CNOT7: variants seen among roughly 807,000 people sequenced by gnomAD.
CNOT7 encodes the protein CCR4-NOT transcription complex subunit 7.
Under a neutral mutation model 37.1 loss-of-function variants are expected in CNOT7, and 4 were observed. The observed-to-expected ratio is 0.11, with a 90% CI of 0.05 to 0.25. The LOEUF (loss-of-function observed/expected upper bound fraction) is 0.25, where lower values mean the gene tolerates loss of function less well. Ranked by LOEUF, CNOT7 falls within the 10% of genes least tolerant of loss-of-function variation. The pLI, the probability that CNOT7 is intolerant of heterozygous loss-of-function variation, is 1.00. For synonymous variants in CNOT7, 128 were observed against 115.6 expected, an observed-to-expected ratio of 1.11 and a Z score of -0.69; for missense variants, 170 against 336.2, an observed-to-expected ratio of 0.51 and a Z score of 3.87.
chr8:17,230,756 C>T lies in CNOT7; in HGVS notation c.822G>A (p.Gly274=). 1.2e-6 allele frequency: 2 copies of T among 1,606,910 alleles called. No homozygotes were observed. The highest frequency in any genetic ancestry group is 1.7e-6 in the Non-Finnish European group (2 of 1,176,548). ...TGTTGGCTTCCTCTTCATATGCATT[C>T]CCTGTGCCATTCTGTACATAGGATG... ...SGSSYVQNGT[G]NAYEEEANKQ... is the part of the protein sequence containing the mutation. Residue 274 remains glycine (G), a synonymous_variant, in exon 7 of 7, where the codon GGG becomes GGA. Coordinates refer to ENST00000361272, the MANE Select transcript of CNOT7 (RefSeq NM_013354.7).
At position 17,229,646 on chromosome 8, in the gene CNOT7, G is replaced by C. The variant is rs1440520619; in HGVS notation, c.*1074C>G. ...TTATCAGCTATATATATATATATGA[G>C]AATATATATATATTTTGTTGTTTTG... On this transcript the variant is annotated 3_prime_UTR_variant, in exon 7 of 7. Coordinates refer to ENST00000361272, the MANE Select transcript of CNOT7 (RefSeq NM_013354.7). 1.3e-5 allele frequency: 2 copies of C among 151,234 alleles called. No individual in the cohort carries two copies. Among genetic ancestry groups the C allele is most frequent in the African/African-American group, 4.9e-5 (2 of 41,122 alleles). The allele number at this position is 151,234 out of a possible 1,614,324, so 9.4% of individuals were successfully genotyped here.
rs1486992817 is a variant in CNOT7, at chr8:17,235,819, T to C, written c.474-959A>G. 2.0e-5 allele frequency among the ~76,000 whole-genome samples: 3 copies of C among 152,348 alleles called. No individual in the cohort carries two copies. The East Asian group carries it at 5.8e-4, about 29-fold the overall frequency. On this transcript the variant is annotated intron_variant, in intron 4 of 6. Coordinates refer to ENST00000361272, the MANE Select transcript of CNOT7 (RefSeq NM_013354.7). ...ATATTTAATGGAATAAAATCTTCTA[T>C]CTTGATAAATATTCAAATATATCAG...
At chr8:17,231,314 A>C (rs1442112104) in intron 6 of CNOT7, among the ~76,000 whole-genome samples, 5 of 152,148 alleles carry the variant, frequency 3.3e-5, no homozygotes, top group Non-Finnish European at 5.9e-5. Flanking sequence ...GTCCTTGAAG[A>C]AGCCAAGAAA....
intron 3 of CNOT7, chr8:17,241,868 T>G (rs1464739674): frequency 3.9e-5 from 6 of 152,178 alleles, no homozygotes; most frequent in Non-Finnish European, 5.9e-5. Context: ...TATTAAACAA[T>G]GAAATAAATG....
intron 6 of CNOT7, 42 bp from the exon 7 acceptor site, chr8:17,230,890 C>G (rs750143003): frequency 2.1e-5 from 29 of 1,384,840 alleles, no homozygotes; most frequent in Non-Finnish European, 2.9e-5. Context: ...TAATTTTAAC[C>G]AAAAGGAACC....
In CNOT7 at chr8:17,229,222, TCAA is replaced by T. The variant is rs762050934; in HGVS notation, c.*1495_*1497del. On this transcript the variant is annotated 3_prime_UTR_variant, in exon 7 of 7. Coordinates refer to ENST00000361272, the MANE Select transcript of CNOT7 (RefSeq NM_013354.7). ...ATTTCCAAAAGAAAATCACCAGTCA[TCAA>T]CATTTATAAGAAAACATTTTGAAGC... The T allele has an allele frequency of 2.0e-5, 3 of 151,950 alleles. No homozygotes were observed. Among genetic ancestry groups the T allele is most frequent in the South Asian group, 2.1e-4 (1 of 4,836 alleles). 9.4% of individuals were successfully genotyped at this position (151,950 alleles called of 1,614,324 possible).
intron 2 of CNOT7, among the ~76,000 whole-genome samples, chr8:17,243,927 G>C (rs887589857): frequency 1.3e-5 from 2 of 152,106 alleles, no homozygotes; most frequent in African/African-American, 4.8e-5. Flanking sequence ...TAATGCATTT[G>C]TTTATTTTTA....
At chr8:17,240,199 T>A (rs751267773) in intron 3 of CNOT7, among the ~76,000 whole-genome samples, 1 of 152,250 alleles carries the variant, frequency 6.6e-6, no homozygotes, top group Non-Finnish European at 1.5e-5. Flanking sequence ...TTCTTCTACC[T>A]AATGTTTTTC....
chr8:17,228,556 C>T lies in CNOT7; in HGVS notation c.*2164G>A, dbSNP rs1416585065. On this transcript the variant is annotated 3_prime_UTR_variant, in exon 7 of 7. Transcript: ENST00000361272. ...ACTTTGCAATGGTGCAAAAGCAATA[C>T]ACATTCAGTAGAAACTATAACCCCA... 6 of 151,968 alleles carry T rather than the reference C, an allele frequency of 3.9e-5. No homozygotes were observed. Among genetic ancestry groups the T allele is most frequent in the African/African-American group, 1.2e-4 (5 of 41,428 alleles). The allele number at this position is 151,968 out of a possible 1,614,324, so 9.4% of individuals were successfully genotyped here.
At chr8:17,232,226 A>G in intron 6 of CNOT7, 1 of 1,409,914 alleles carries the variant, frequency 7.1e-7, no homozygotes, top group African/African-American at 1.5e-5. Flanking sequence ...TATGATGAAC[A>G]TGTTCTCCCA....
chr8:17,237,040 A>G (rs1809462696), intron 4 of CNOT7, among the ~76,000 whole-genome samples, 172 bp downstream of exon 4: 1 of 152,208 alleles, frequency 6.6e-6, no homozygotes, highest in African/African-American at 2.4e-5. Context: ...CCATATTTTA[A>G]ATTAACCTTT....
Position 17,226,028 on chromosome 8 carries a change from C to CTTTTT in CNOT7, c.*4691_*4692insAAAAA, listed in dbSNP as rs1563179108. On this transcript the variant is annotated 3_prime_UTR_variant, in exon 7 of 7. Coordinates refer to ENST00000361272, the MANE Select transcript of CNOT7 (RefSeq NM_013354.7). ...TTCTTCTAGTAGAGAGGTGGACAAG[C>CTTTTT]CTTTTTTTTTTTTTTTTTTTTTTTT... is the stretch of plus-strand genomic sequence containing the variant. 4.1e-4 allele frequency: 12 copies of CTTTTT among 29,308 alleles called. No individual in the cohort carries two copies. The highest frequency in any genetic ancestry group is 1.1e-3 in the Non-Finnish European group (9 of 8,380). The allele number at this position is 29,308 out of a possible 1,614,324, so 1.8% of individuals were successfully genotyped here. A position where few individuals can be genotyped will look rare whatever the true frequency, so the allele number is the denominator to read the frequency against.
intron 2 of CNOT7, 75 bp from the exon 3 acceptor site, chr8:17,243,260 CA>C: frequency 4.4e-6 from 5 of 1,139,388 alleles, no homozygotes; most frequent in Non-Finnish European, 6.3e-6. Flanking sequence ...ATTTTTGATG[CA>C]AATCAAAGAA....
chr8:17,245,800 A>C (rs1458199731), intron 1 of CNOT7: 1 of 152,270 alleles, frequency 6.6e-6, no homozygotes, highest in Non-Finnish European at 1.5e-5. Flanking sequence ...TCGCAGTTGC[A>C]GAACGGAAAA....
intron 3 of CNOT7, chr8:17,237,691 G>A (rs541770355): frequency 9.2e-4 from 195 of 211,718 alleles, no homozygotes; most frequent in Admixed American, 1.6e-3. Context: ...TTCACCAGGG[G>A]CTACCGTCGC....
intron 4 of CNOT7, among the ~76,000 whole-genome samples, chr8:17,235,646 T>A (rs942537695): frequency 1.3e-5 from 2 of 152,224 alleles, no homozygotes; most frequent in Non-Finnish European, 2.9e-5. Flanking sequence ...CCGTCCCTTG[T>A]CTACCTTTCC....
chr8:17,243,562 G>A, intron 2 of CNOT7: 1 of 463,808 alleles, frequency 2.2e-6, no homozygotes, highest in Non-Finnish European at 4.3e-6. Flanking sequence ...CAAAAGAGGG[G>A]AAAACGCCCT....
chr8:17,243,232 AC>A, intron 2 of CNOT7, 47 bp from the exon 3 acceptor site: 3 of 1,417,638 alleles, frequency 2.1e-6, no homozygotes. Context: ...AGTCAAAACT[AC>A]AATCCACACA....
intron 3 of CNOT7, 44 bp downstream of exon 3, chr8:17,242,947 GA>G (rs150002154): frequency 0.057 from 62,095 of 1,082,482 alleles, no homozygotes; most frequent in Non-Finnish European, 0.064. Context: ...TAAGATTAAA[GA>G]AAAAAAAAAA....
Sources: gnomAD v4.1 joint callset for allele counts (sites outside exome capture counted in the v4.1 genomes callset) on GRCh38, gnomAD v4.1.1 for gene constraint, MANE v1.5 for transcripts, NCBI Gene and HGNC (gene_info 2026-07-23, HGNC 2026-07-21) for gene names.